COL15A1: variants seen among roughly 807,000 people sequenced by gnomAD.
COL15A1 encodes the protein collagen alpha-1(XV) chain.
Under a neutral mutation model 165.9 loss-of-function variants are expected in COL15A1, and 111 were observed. The ratio of observed to expected loss-of-function variants is 0.67; its 90% confidence interval spans 0.57 to 0.78. COL15A1 has a LOEUF of 0.78. Among genes scored for constraint, COL15A1 ranks in the 30% least tolerant of loss-of-function variants. COL15A1 has a pLI of 0.00. For missense variants in COL15A1, 1,745 were observed against 1,789.7 expected (o/e 0.98, Z 0.45); for synonymous variants, 659 against 674.8 (o/e 0.98, Z 0.36).
In COL15A1 at chr9:99,007,590, C is replaced by A. The variant is rs190541013; in HGVS notation, c.1353+2540C>A. 1.4e-3 allele frequency among the ~76,000 whole-genome samples: 208 copies of A among 151,894 alleles called. 1 individual carries two copies. Among genetic ancestry groups the A allele is most frequent in the African/African-American group, 4.6e-3 (192 of 41,388 alleles). ...TCTCATGCCCTACAAGAGAAAATAG[C>A]GGGAGGGAGAAAAACAACAAATAAA... is the stretch of plus-strand genomic sequence containing the variant. On this transcript the variant is annotated intron_variant, in intron 9 of 41. Coordinates refer to ENST00000375001, the MANE Select transcript of COL15A1 (RefSeq NM_001855.5).
At chr9:98,996,549 A>G (rs973093149) in intron 5 of COL15A1, among the ~76,000 whole-genome samples, 1 of 152,224 alleles carries the variant, frequency 6.6e-6, no homozygotes, top group African/African-American at 2.4e-5. Context: ...ATTTATATGC[A>G]GTTTATTGAG....
intron 30 of COL15A1, among the ~76,000 whole-genome samples, chr9:99,051,123 A>G (rs1354148326): frequency 6.6e-6 from 1 of 152,240 alleles, no homozygotes; most frequent in Non-Finnish European, 1.5e-5. Flanking sequence ...CACACAGCCC[A>G]GAGAAGCAAA....
chr9:98,952,925 G>A (rs1392808503), intron 2 of COL15A1, among the ~76,000 whole-genome samples: 2 of 152,022 alleles, frequency 1.3e-5, no homozygotes, highest in Non-Finnish European at 2.9e-5. Context: ...CAATTTTGAT[G>A]CTTGTTACTT....
At chr9:99,045,695 A>G (rs972332396) in intron 26 of COL15A1, among the ~76,000 whole-genome samples, 5 of 152,246 alleles carry the variant, frequency 3.3e-5, no homozygotes, top group African/African-American at 1.2e-4. Flanking sequence ...TAACCTGCCC[A>G]TGTGACACAG....
intron 9 of COL15A1, among the ~76,000 whole-genome samples, chr9:99,009,390 A>T (rs1290261848): frequency 6.6e-6 from 1 of 152,260 alleles, no homozygotes; most frequent in African/African-American, 2.4e-5. Context: ...TAACACATTT[A>T]TGTAAATATA....
intron 2 of COL15A1, among the ~76,000 whole-genome samples, chr9:98,952,599 C>T (rs1837707056): frequency 6.6e-6 from 1 of 152,052 alleles, no homozygotes; most frequent in South Asian, 2.1e-4. Context: ...GTTGCCCAGG[C>T]TGGTCTTGAA....
chr9:98,948,107 C>G (rs1219855507), intron 2 of COL15A1, among the ~76,000 whole-genome samples: 1 of 152,068 alleles, frequency 6.6e-6, no homozygotes, highest in East Asian at 1.9e-4. Context: ...TTCAACAAAC[C>G]CATTCTGTGC....
At chr9:98,969,257 C>T (rs1004160872) in intron 2 of COL15A1, among the ~76,000 whole-genome samples, 8 of 152,200 alleles carry the variant, frequency 5.3e-5, no homozygotes, top group Non-Finnish European at 1.2e-4. Flanking sequence ...CTACCACCAC[C>T]GCTATGCTTC....
At chr9:99,066,755 A>T (rs1032845705) in intron 39 of COL15A1, 127 bp from the exon 40 acceptor site, 1 of 766,922 alleles carries the variant, frequency 1.3e-6, no homozygotes, top group African/African-American at 1.7e-5. Context: ...GGAGGGATTG[A>T]ATAAAATGAC....
intron 10 of COL15A1, 25 bp from the exon 11 acceptor site, chr9:99,015,951 G>T: frequency 6.2e-7 from 1 of 1,609,648 alleles, no homozygotes; most frequent in African/African-American, 1.3e-5. Context: ...GTGAGGTGGT[G>T]CCTTAATGCT....
At chr9:98,947,521 T>C (rs1564002278) in intron 2 of COL15A1, among the ~76,000 whole-genome samples, 1 of 152,216 alleles carries the variant, frequency 6.6e-6, no homozygotes, top group Non-Finnish European at 1.5e-5. Flanking sequence ...ATGTAAGCTA[T>C]GCCTCAATAA....
chr9:99,040,441 G>A, intron 22 of COL15A1, 80 bp from the exon 23 acceptor site: 1 of 1,610,614 alleles, frequency 6.2e-7, no homozygotes, highest in South Asian at 1.1e-5. Context: ...GCCTTTGGAA[G>A]GGGCTGGGAG....
At position 98,944,349 on chromosome 9, in the gene COL15A1, G is replaced by A. The variant is rs571525747; in HGVS notation, c.100+99G>A. 11 of 1,198,992 alleles carry A rather than the reference G, an allele frequency of 9.2e-6. No homozygotes were observed. The Admixed American group carries it at 1.2e-4, about 13-fold the overall frequency. The allele number at this position is 1,198,992 out of a possible 1,614,324, so 74.3% of individuals were successfully genotyped here. A position where few individuals can be genotyped will look rare whatever the true frequency, so the allele number is the denominator to read the frequency against. ...CGGCTGCGATGCGTGCCTCATTCCT[G>A]GACATAAAAGGGAGTCTTGCCACTC... On this transcript the variant is annotated intron_variant, in intron 2 of 41. Transcript: ENST00000375001.
intron 9 of COL15A1, among the ~76,000 whole-genome samples, chr9:99,012,322 C>T (rs1045371641): frequency 3.3e-5 from 5 of 152,176 alleles, no homozygotes; most frequent in African/African-American, 1.2e-4. Flanking sequence ...CATACATACT[C>T]ATACAACCAA....
chr9:99,049,930 T>C, intron 30 of COL15A1, 35 bp downstream of exon 30: 1 of 1,614,080 alleles, frequency 6.2e-7, no homozygotes, highest in South Asian at 1.1e-5. Context: ...GAGCAGGCTT[T>C]GGCATGGATA....
intron 11 of COL15A1, among the ~76,000 whole-genome samples, chr9:99,019,269 C>G (rs1838987544): frequency 6.6e-6 from 1 of 152,188 alleles, no homozygotes; most frequent in African/African-American, 2.4e-5. Context: ...TCTCGGCTTA[C>G]TGCAACCTCC....
At chr9:99,063,238 C>A in intron 39 of COL15A1, 129 bp downstream of exon 39, 1 of 1,131,918 alleles carries the variant, frequency 8.8e-7, no homozygotes, top group Non-Finnish European at 1.2e-6. Flanking sequence ...AAACAAAAAA[C>A]AGAGAATTAC....
chr9:99,003,315 T>C, intron 7 of COL15A1, 138 bp from the exon 8 acceptor site: 1 of 624,610 alleles, frequency 1.6e-6, no homozygotes, highest in Non-Finnish European at 2.6e-6. Context: ...TATGAAACCA[T>C]AGATGTGAAA....
chr9:99,055,446 C>A, intron 34 of COL15A1, 74 bp downstream of exon 34: 1 of 864,020 alleles, frequency 1.2e-6, no homozygotes, highest in Admixed American at 1.9e-5. Context: ...TGGGACTAGG[C>A]AGTTAGGGCT....
Sources: gnomAD v4.1 joint callset for allele counts (sites outside exome capture counted in the v4.1 genomes callset) on GRCh38, gnomAD v4.1.1 for gene constraint, MANE v1.5 for transcripts, NCBI Gene and HGNC (gene_info 2026-07-23, HGNC 2026-07-21) for gene names.